The following CPNE4 variants were observed in gnomAD, a reference collection of about 807,000 sequenced individuals.
CPNE4 encodes copine-4.
CPNE4 carries 25 observed loss-of-function variants against 67.9 expected under a neutral mutation model. The observed-to-expected ratio is 0.37, with a 90% CI of 0.27 to 0.51. The LOEUF (loss-of-function observed/expected upper bound fraction) is 0.51, where lower values mean the gene tolerates loss of function less well. Among genes scored for constraint, CPNE4 ranks in the 20% least tolerant of loss-of-function variants. The pLI, the probability that CPNE4 is intolerant of heterozygous loss-of-function variation, is 0.93. For missense variants in CPNE4, 464 were observed against 690.8 expected (o/e 0.67, Z 3.68); for synonymous variants, 242 against 244.9 (o/e 0.99, Z 0.11).
At chr3:131,797,762 C>T (rs556001723) in intron 2 of CPNE4, among the ~76,000 whole-genome samples, 9 of 152,266 alleles carry the variant, frequency 5.9e-5, no homozygotes, top group Admixed American at 1.3e-4. Flanking sequence ...TATAACACAT[C>T]GATGCCTTTT....
In CPNE4 at chr3:131,766,802, GCACAGTTTT is replaced by G. The variant is rs1560269491; in HGVS notation, c.181-43186_181-43178del. The stretch of plus-strand genomic sequence containing the variant: ...TCACATGCTCCCTCAGTTCTAAGAT[GCACAGTTTT>G]CACAGTTTTGTTCATCTGTTCATAA... On this transcript the variant is annotated intron_variant, in intron 2 of 15. Coordinates refer to ENST00000429747, the MANE Select transcript of CPNE4 (RefSeq NM_130808.3). 1.2e-4 allele frequency among the ~76,000 whole-genome samples: 18 copies of G among 152,110 alleles called. No homozygotes were observed. The South Asian group carries it at 3.7e-3, about 32-fold the overall frequency.
intron 2 of CPNE4, among the ~76,000 whole-genome samples, chr3:131,878,364 T>C (rs1217533300): frequency 6.6e-6 from 1 of 151,984 alleles, no homozygotes; most frequent in Non-Finnish European, 1.5e-5. Context: ...AGCCAGACAC[T>C]AAAGAGCACA....
At chr3:131,807,411 TTA>T (rs1160634386) in intron 2 of CPNE4, among the ~76,000 whole-genome samples, 8 of 152,196 alleles carry the variant, frequency 5.3e-5, no homozygotes, top group Non-Finnish European at 1.0e-4. Context: ...ACTTAGGTCA[TTA>T]TATACAGATC....
chr3:131,653,662 T>C (rs1251944471), intron 7 of CPNE4, among the ~76,000 whole-genome samples: 2 of 152,184 alleles, frequency 1.3e-5, no homozygotes, highest in Admixed American at 1.3e-4. Context: ...AACCTTGTCA[T>C]ATTTTTTCCT....
chr3:131,725,941 G>A (rs2081989513), intron 2 of CPNE4, among the ~76,000 whole-genome samples: 1 of 152,038 alleles, frequency 6.6e-6, no homozygotes, highest in Non-Finnish European at 1.5e-5. Context: ...GCCCCTAGAG[G>A]CATTTTTGCA....
intron 1 of CPNE4, among the ~76,000 whole-genome samples, chr3:131,972,769 T>C (rs2072539246): frequency 6.6e-6 from 1 of 152,116 alleles, no homozygotes; most frequent in South Asian, 2.1e-4. Context: ...CTAGCTGACC[T>C]CAGGCAAGCT....
chr3:131,553,045 A>G lies in CPNE4; in HGVS notation c.1117-554T>C, dbSNP rs540932178. On this transcript the variant is annotated intron_variant, in intron 12 of 15. Coordinates refer to ENST00000429747, the MANE Select transcript of CPNE4 (RefSeq NM_130808.3). ...GACTGCACTCTACTTTTGGAAACATAGTAAAGTAATATACTTTGTAATATT... is the reference window on the plus strand; with the variant it reads ...GACTGCACTCTACTTTTGGAAACATGGTAAAGTAATATACTTTGTAATATT... Among the ~76,000 whole-genome samples, 6 of 152,250 alleles carry G rather than the reference A, an allele frequency of 3.9e-5. No homozygotes were observed. The South Asian group carries it at 1.2e-3, about 32-fold the overall frequency.
intron 1 of CPNE4, among the ~76,000 whole-genome samples, chr3:131,929,999 T>A (rs2071009689): frequency 6.6e-6 from 1 of 152,200 alleles, no homozygotes; most frequent in South Asian, 2.1e-4. Context: ...ATTACAAATG[T>A]ACTGTGGAGA....
intron 2 of CPNE4, among the ~76,000 whole-genome samples, chr3:131,828,654 G>C (rs1320066251): frequency 6.6e-6 from 1 of 152,056 alleles, no homozygotes; most frequent in South Asian, 2.1e-4. Flanking sequence ...ATTTAGAAGG[G>C]GAACTGTTGA....
At chr3:131,578,876 AAG>A (rs1453812277) in intron 9 of CPNE4, among the ~76,000 whole-genome samples, 2 of 152,224 alleles carry the variant, frequency 1.3e-5, no homozygotes, top group Admixed American at 6.5e-5. Flanking sequence ...GGTTTAAGGA[AAG>A]AAACTGTCTC....
intron 1 of CPNE4, among the ~76,000 whole-genome samples, chr3:131,953,444 G>A (rs2613985): frequency 0.76 from 115,578 of 151,888 alleles, 44,270 homozygotes; most frequent in Admixed American, 0.83. Flanking sequence ...ATTGAATTAT[G>A]TCAAATGCTT....
At chr3:131,930,624 A>G (rs2071033487) in intron 1 of CPNE4, among the ~76,000 whole-genome samples, 1 of 152,138 alleles carries the variant, frequency 6.6e-6, no homozygotes, top group Non-Finnish European at 1.5e-5. Context: ...TGGTAATCCT[A>G]TTAAGCGCTT....
chr3:131,774,431 C>A (rs1341923657), intron 2 of CPNE4, among the ~76,000 whole-genome samples: 3 of 151,880 alleles, frequency 2.0e-5, no homozygotes, highest in Non-Finnish European at 2.9e-5. Flanking sequence ...AAGGTTAGAC[C>A]AGCCTGAATG....
intron 2 of CPNE4, among the ~76,000 whole-genome samples, chr3:131,875,796 G>A (rs145407075): frequency 6.6e-6 from 1 of 151,824 alleles, no homozygotes; most frequent in African/African-American, 2.4e-5. Flanking sequence ...TAACAAACCT[G>A]CATGTTGTGC....
At chr3:131,682,070 T>C (rs2080772304) in intron 6 of CPNE4, among the ~76,000 whole-genome samples, 1 of 152,110 alleles carries the variant, frequency 6.6e-6, no homozygotes, top group East Asian at 1.9e-4. Flanking sequence ...TTCCTCAAAA[T>C]AGCTATTTTG....
intron 15 of CPNE4, among the ~76,000 whole-genome samples, chr3:131,542,053 TA>T (rs537541153): frequency 1.7e-4 from 26 of 152,304 alleles, no homozygotes; most frequent in Admixed American, 9.2e-4. Context: ...ATATTTTTTA[TA>T]GAGGATTTAG....
intron 2 of CPNE4, among the ~76,000 whole-genome samples, chr3:131,826,402 T>C (rs2085161377): frequency 6.6e-6 from 1 of 152,094 alleles, no homozygotes; most frequent in African/African-American, 2.4e-5. Context: ...CTCACTATAT[T>C]GCCCAGGCTG....
chr3:131,952,124 C>T (rs538083489), intron 1 of CPNE4, among the ~76,000 whole-genome samples: 1 of 150,256 alleles, frequency 6.7e-6, no homozygotes, highest in South Asian at 2.1e-4. Flanking sequence ...TGAGGAGTGC[C>T]TCTTCCCGGC....
intron 2 of CPNE4, among the ~76,000 whole-genome samples, chr3:131,888,771 G>A (rs903792978): frequency 6.6e-6 from 1 of 152,084 alleles, no homozygotes; most frequent in African/African-American, 2.4e-5. Context: ...AGAGAGTGGA[G>A]GGGATAAGGA....
Sources: gnomAD v4.1 joint callset for allele counts (sites outside exome capture counted in the v4.1 genomes callset) on GRCh38, gnomAD v4.1.1 for gene constraint, MANE v1.5 for transcripts, NCBI Gene and HGNC (gene_info 2026-07-23, HGNC 2026-07-21) for gene names.